The following CSMD3 variants were observed in gnomAD, a reference collection of about 807,000 sequenced individuals.
The protein encoded by CSMD3 is CUB and Sushi multiple domains 3, also known as CUB and sushi domain-containing protein 3.
Under a neutral mutation model 435.2 loss-of-function variants are expected in CSMD3, and 177 were observed. The ratio of observed to expected loss-of-function variants is 0.41; its 90% confidence interval spans 0.36 to 0.46. The LOEUF (loss-of-function observed/expected upper bound fraction) is 0.46. Among genes scored for constraint, CSMD3 ranks in the 20% least tolerant of loss-of-function variants. The probability of loss-of-function intolerance (pLI) is 0.34; values close to 1 mark genes in which losing one functional copy is unlikely to be tolerated. For missense variants in CSMD3, 4,265 were observed against 4,504.6 expected, an observed-to-expected ratio of 0.95 and a Z score of 1.52; for synonymous variants, 1,656 against 1,520.5, an observed-to-expected ratio of 1.09 and a Z score of -2.07.
chr8:113,344,231 T>C (rs538213659), intron 1 of CSMD3, among the ~76,000 whole-genome samples: 4 of 152,300 alleles, frequency 2.6e-5, no homozygotes, highest in African/African-American at 7.2e-5. Context: ...TGAATCTCAG[T>C]TAGCTCTGGT....
At chr8:112,362,711 A>G (rs1827373336) in intron 38 of CSMD3, among the ~76,000 whole-genome samples, 1 of 151,954 alleles carries the variant, frequency 6.6e-6, no homozygotes, top group Non-Finnish European at 1.5e-5. Flanking sequence ...GCGCGGTGGA[A>G]CAATTGCAAT....
In CSMD3 at chr8:112,895,909, A is replaced by G. The variant is rs1486196125; in HGVS notation, c.1633+25718T>C. 2.0e-5 allele frequency among the ~76,000 whole-genome samples: 3 copies of G among 151,414 alleles called. No homozygotes were observed. In the East Asian group the frequency reaches 5.9e-4, roughly 30 times the overall value. On this transcript the variant is annotated intron_variant, in intron 10 of 70. Coordinates refer to ENST00000297405, the MANE Select transcript of CSMD3 (RefSeq NM_198123.2). ...AGAGTAAGAAAAAGCAGAAGAAGAA[A>G]AAGTAGGTTTTGTTTGTTTGTTTGT... is the stretch of plus-strand genomic sequence containing the variant.
intron 10 of CSMD3, among the ~76,000 whole-genome samples, chr8:112,868,171 C>T (rs1599050): frequency 0.014 from 2,123 of 152,100 alleles, 55 homozygotes; most frequent in African/African-American, 0.049. Context: ...CTTTTTTCTC[C>T]ACATCTTGTC....
chr8:112,227,813 C>T (rs1481014573), intron 70 of CSMD3, among the ~76,000 whole-genome samples: 5 of 152,016 alleles, frequency 3.3e-5, no homozygotes, highest in Non-Finnish European at 4.4e-5. Context: ...GACGCCGAGG[C>T]GGGCGGATCA....
At chr8:113,241,406 G>A (rs1436125454) in intron 3 of CSMD3, among the ~76,000 whole-genome samples, 46 of 152,026 alleles carry the variant, frequency 3.0e-4, no homozygotes, top group Admixed American at 3.0e-3. Context: ...AGATAAGAGA[G>A]AAATAACAAT....
rs2131246415 is a variant in CSMD3, at chr8:112,560,730, A to G, written c.4043-3776T>C. On this transcript the variant is annotated intron_variant, in intron 24 of 70. Transcript: ENST00000297405. Reference sequence around the variant, plus strand: ...TCTCAAACACAGAAGAAACAGCAGAAGTAGTACTTTAAAATTTCAGAACAT... The same window carrying G: ...TCTCAAACACAGAAGAAACAGCAGAGGTAGTACTTTAAAATTTCAGAACAT... Among the ~76,000 whole-genome samples, 2 of 151,810 alleles carry G rather than the reference A, an allele frequency of 1.3e-5. 1 individual carries two copies. Among genetic ancestry groups the G allele is most frequent in the African/African-American group, 4.8e-5 (2 of 41,532 alleles).
chr8:112,772,554 G>A (rs1340653541), intron 13 of CSMD3, among the ~76,000 whole-genome samples: 2 of 152,024 alleles, frequency 1.3e-5, no homozygotes, highest in Non-Finnish European at 2.9e-5. Flanking sequence ...TGGCCTCGTG[G>A]GAAGGGAAAG....
chr8:113,352,767 T>C (rs1385657265), intron 1 of CSMD3, among the ~76,000 whole-genome samples: 2 of 152,248 alleles, frequency 1.3e-5, no homozygotes, highest in African/African-American at 2.4e-5. Context: ...AGAGCAGTAG[T>C]TGGTGGATCA....
intron 28 of CSMD3, among the ~76,000 whole-genome samples, chr8:112,514,380 A>T (rs1823459224): frequency 6.6e-6 from 1 of 152,174 alleles, no homozygotes; most frequent in South Asian, 2.1e-4. Context: ...TTGCCCATCT[A>T]ACCATAAAGC....
At chr8:113,424,303 G>A (rs999379347) in intron 1 of CSMD3, among the ~76,000 whole-genome samples, 3 of 151,578 alleles carry the variant, frequency 2.0e-5, no homozygotes, top group African/African-American at 7.3e-5. Context: ...CTTCATTTAT[G>A]ACTCTTAACC....
chr8:112,644,143 T>C (rs2074913593), intron 20 of CSMD3, among the ~76,000 whole-genome samples: 1 of 151,756 alleles, frequency 6.6e-6, no homozygotes, highest in African/African-American at 2.4e-5. Flanking sequence ...GATCAACCCA[T>C]GGAGATTTTC....
chr8:112,390,534 T>C (rs1265729783), intron 36 of CSMD3, 130 bp downstream of exon 36: 2 of 760,618 alleles, frequency 2.6e-6, no homozygotes, highest in Non-Finnish European at 4.4e-6. Context: ...AACAAATATC[T>C]TTCTATTCAT....
At chr8:112,270,193 C>G (rs1817336242) in intron 59 of CSMD3, among the ~76,000 whole-genome samples, 1 of 152,020 alleles carries the variant, frequency 6.6e-6, no homozygotes. Flanking sequence ...TCTACTATGG[C>G]CAAGCATAGG....
chr8:112,942,619 C>T (rs971904181), intron 9 of CSMD3, among the ~76,000 whole-genome samples: 1 of 151,684 alleles, frequency 6.6e-6, no homozygotes, highest in Non-Finnish European at 1.5e-5. Context: ...AATAGAAAAC[C>T]AAATACCAAG....
intron 5 of CSMD3, among the ~76,000 whole-genome samples, chr8:113,074,990 T>C (rs1448090911): frequency 6.6e-6 from 1 of 151,742 alleles, no homozygotes; most frequent in Non-Finnish European, 1.5e-5. Flanking sequence ...AATTATAATT[T>C]ATGATAATTT....
At chr8:113,227,537 C>A (rs1009219534) in intron 3 of CSMD3, among the ~76,000 whole-genome samples, 1 of 151,730 alleles carries the variant, frequency 6.6e-6, no homozygotes. Flanking sequence ...GAATTGTAAT[C>A]CCCATGTGTC....
chr8:113,375,997 C>G (rs1050143308), intron 1 of CSMD3, among the ~76,000 whole-genome samples: 2 of 152,052 alleles, frequency 1.3e-5, no homozygotes, highest in Non-Finnish European at 2.9e-5. Flanking sequence ...CTGTCTAAGA[C>G]GCTCACTCAA....
intron 11 of CSMD3, among the ~76,000 whole-genome samples, chr8:112,833,203 C>G (rs1263667992): frequency 6.6e-6 from 1 of 151,986 alleles, no homozygotes; most frequent in Non-Finnish European, 1.5e-5. Flanking sequence ...TTATTTTGGG[C>G]TTTCTAATGG....
At chr8:112,529,643 G>A (rs1181613437) in intron 27 of CSMD3, among the ~76,000 whole-genome samples, 1 of 152,030 alleles carries the variant, frequency 6.6e-6, no homozygotes, top group South Asian at 2.1e-4. Context: ...AAGGGAAAGA[G>A]TTGTTGGTAG....
Sources: gnomAD v4.1 joint callset for allele counts (sites outside exome capture counted in the v4.1 genomes callset) on GRCh38, gnomAD v4.1.1 for gene constraint, MANE v1.5 for transcripts, NCBI Gene and HGNC (gene_info 2026-07-23, HGNC 2026-07-21) for gene names.